Variants in LMO7 observed in about 807,000 individuals in gnomAD.
LMO7 encodes the protein LIM domain only protein 7.
Under a neutral mutation model 206.5 loss-of-function variants are expected in LMO7, and 120 were observed. That is an observed-to-expected ratio of 0.58 (90% CI 0.50 to 0.68). The LOEUF (loss-of-function observed/expected upper bound fraction) is 0.68. Ranked by LOEUF, LMO7 falls within the 30% of genes least tolerant of loss-of-function variation. LMO7 has a pLI of 0.00. For synonymous variants in LMO7, 706 were observed against 681.5 expected (o/e 1.04, Z -0.56); for missense variants, 1,959 against 1,957.9 (o/e 1.00, Z -0.01).
Position 75,715,407 on chromosome 13 carries a change from A to G in LMO7, c.140+2155A>G, listed in dbSNP as rs1464614605. 2.0e-5 allele frequency among the ~76,000 whole-genome samples: 3 copies of G among 152,236 alleles called. No individual in the cohort carries two copies. In the East Asian group the frequency reaches 5.8e-4, roughly 29 times the overall value. ...ATTGGCTTTTTAAAAAGTCACTTTA[A>G]TTCTCAGACTTCCAAAGCTAATTCT... On this transcript the variant is annotated intron_variant, in intron 2 of 30. Transcript: ENST00000377534.
At chr13:75,836,241 C>T (rs1467264050) in intron 18 of LMO7, among the ~76,000 whole-genome samples, 156 bp from the exon 19 acceptor site, 1 of 152,112 alleles carries the variant, frequency 6.6e-6, no homozygotes, top group Non-Finnish European at 1.5e-5. Context: ...AATGAAAAAA[C>T]TTAAGTTTCT....
intron 4 of LMO7, among the ~76,000 whole-genome samples, chr13:75,791,690 G>A (rs77357762): frequency 0.01 from 1,537 of 152,194 alleles, 27 homozygotes; most frequent in East Asian, 0.067. Flanking sequence ...CAAAAATAAA[G>A]CACGGATGAG....
At chr13:75,837,043 G>A (rs1033542280) in intron 19 of LMO7, among the ~76,000 whole-genome samples, 1 of 152,076 alleles carries the variant, frequency 6.6e-6, no homozygotes, top group African/African-American at 2.4e-5. Flanking sequence ...GAATAGATCC[G>A]GTCATGTAGG....
chr13:75,804,482 G>A lies in LMO7; in HGVS notation c.855G>A (p.Glu285=), dbSNP rs1300984893. The A allele has an allele frequency of 5.0e-6, 8 of 1,614,018 alleles. No homozygotes were observed. In the Admixed American group the frequency reaches 8.3e-5, roughly 17 times the overall value. ...GAAAGAAAAAGCCAGACAAACATGAGGATAACAGAAGAAGTTGGGCAAGCC... is the reference window on the plus strand; with the variant it reads ...GAAAGAAAAAGCCAGACAAACATGAAGATAACAGAAGAAGTTGGGCAAGCC... ...PLRKKKPDKH[E]DNRRSWASPV... is the part of the protein sequence containing the mutation. The change falls in exon 8 of 31, where the codon GAG becomes GAA. Residue 285 remains glutamate, a synonymous_variant. Transcript: ENST00000377534.
chr13:75,851,951 T>G (rs2060532581), intron 27 of LMO7, among the ~76,000 whole-genome samples: 2 of 152,276 alleles, frequency 1.3e-5, no homozygotes, highest in Middle Eastern at 6.8e-3. Flanking sequence ...CAAACTCACT[T>G]CTGTAAGATT....
intron 12 of LMO7, among the ~76,000 whole-genome samples, chr13:75,818,999 G>A (rs570098942): frequency 1.3e-5 from 2 of 152,304 alleles, no homozygotes; most frequent in South Asian, 2.1e-4. Context: ...CATCACAATC[G>A]TGTTTCTGTT....
intron 4 of LMO7, among the ~76,000 whole-genome samples, chr13:75,772,698 A>G (rs142754186): frequency 3.3e-5 from 5 of 152,162 alleles, no homozygotes; most frequent in Non-Finnish European, 5.9e-5. Context: ...TAACAAAAGA[A>G]AAACATGTTA....
chr13:75,751,200 G>T (rs747223563), intron 3 of LMO7, among the ~76,000 whole-genome samples: 2 of 110,012 alleles, frequency 1.8e-5, no homozygotes, highest in South Asian at 3.1e-4. Flanking sequence ...TCGCTCTGTC[G>T]CCCAGGCTGG....
intron 4 of LMO7, among the ~76,000 whole-genome samples, chr13:75,788,221 G>A (rs922674430): frequency 1.3e-5 from 2 of 151,908 alleles, no homozygotes; most frequent in African/African-American, 4.8e-5. Context: ...AGATAGACTG[G>A]CTTGTTGCAT....
rs375417270 is a variant in LMO7, at chr13:75,823,867, A to G, written c.2943A>G (p.Arg981=). 1.5e-5 allele frequency: 24 copies of G among 1,612,754 alleles called. No homozygotes were observed. The African/African-American group carries it at 3.2e-4, about 22-fold the overall frequency. ...TCTCCCCACAAAGAGAAGTCTCAAG[A>G]TCCCAGGTGAGTTTGGAAAAGTTCT... ...GEISPQREVS[R]SQDQFSDMRI... The change falls in exon 15 of 31, where the codon AGA becomes AGG. Residue 981 remains arginine (R), a synonymous_variant. Coordinates refer to ENST00000377534, the MANE Select transcript of LMO7 (RefSeq NM_001306080.2).
chr13:75,718,713 A>G (rs2043766409), intron 2 of LMO7, among the ~76,000 whole-genome samples: 1 of 152,094 alleles, frequency 6.6e-6, no homozygotes, highest in Admixed American at 6.6e-5. Flanking sequence ...GTTTTGGATA[A>G]ATGTGTAATG....
chr13:75,658,618 C>G (rs1272396040), intron 1 of LMO7, among the ~76,000 whole-genome samples: 1 of 152,190 alleles, frequency 6.6e-6, no homozygotes, highest in African/African-American at 2.4e-5. Context: ...GAATCTCGCT[C>G]TGTCGCCCAG....
At chr13:75,639,715 G>A (rs984309719) in intron 1 of LMO7, among the ~76,000 whole-genome samples, 6 of 152,132 alleles carry the variant, frequency 3.9e-5, no homozygotes, top group African/African-American at 1.2e-4. Flanking sequence ...TTGAAACTGG[G>A]GTATGTAGCA....
chr13:75,788,724 C>G (rs2052806131), intron 4 of LMO7: 1 of 152,164 alleles, frequency 6.6e-6, no homozygotes, highest in Non-Finnish European at 1.5e-5. Context: ...TACTTAGTGG[C>G]TTGGAGAGGG....
chr13:75,855,154 G>C, intron 28 of LMO7, 106 bp from the exon 29 acceptor site: 1 of 678,298 alleles, frequency 1.5e-6, no homozygotes, highest in Non-Finnish European at 2.6e-6. Flanking sequence ...TATGTATAGA[G>C]CTTTTCTTAA....
At chr13:75,642,408 C>A (rs2036619208) in intron 1 of LMO7, among the ~76,000 whole-genome samples, 1 of 139,688 alleles carries the variant, frequency 7.2e-6, no homozygotes. Flanking sequence ...AATTTAAGAC[C>A]AGCCTAGTCA....
chr13:75,716,829 T>TA (rs1286288364), intron 2 of LMO7, among the ~76,000 whole-genome samples: 1 of 152,114 alleles, frequency 6.6e-6, no homozygotes, highest in Non-Finnish European at 1.5e-5. Context: ...CAGCTAATGA[T>TA]ATCAGTAATT....
At chr13:75,776,162 G>GATATATATATATATCGGATAT (rs2050386968) in intron 4 of LMO7, among the ~76,000 whole-genome samples, 1 of 36,830 alleles carries the variant, frequency 2.7e-5, no homozygotes, top group African/African-American at 7.2e-5. Context: ...ATATATATCG[G>GATATATATATATATCGGATAT]ATATATATAT....
intron 1 of LMO7, among the ~76,000 whole-genome samples, chr13:75,654,106 G>A (rs879664778): frequency 4.1e-4 from 63 of 152,140 alleles, no homozygotes; most frequent in African/African-American, 1.5e-3. Context: ...AATTTGGAAT[G>A]TATATTAAAA....
Sources: gnomAD v4.1 joint callset for allele counts (sites outside exome capture counted in the v4.1 genomes callset) on GRCh38, gnomAD v4.1.1 for gene constraint, MANE v1.5 for transcripts, NCBI Gene and HGNC (gene_info 2026-07-23, HGNC 2026-07-21) for gene names.